The following RASGEF1B variants were observed in gnomAD, a reference collection of about 807,000 sequenced individuals.
RASGEF1B encodes ras-GEF domain-containing family member 1B.
Under a neutral mutation model 65.7 loss-of-function variants are expected in RASGEF1B, and 30 were observed. The ratio of observed to expected loss-of-function variants is 0.46; its 90% CI spans 0.34 to 0.62. RASGEF1B has a LOEUF of 0.62. Ranked by LOEUF, RASGEF1B falls within the 20% of genes least tolerant of loss-of-function variation. RASGEF1B has a pLI of 0.01. For missense variants in RASGEF1B, 495 were observed against 580.1 expected (o/e 0.85, Z 1.51); for synonymous variants, 175 against 194.8 (o/e 0.90, Z 0.85).
intron 1 of RASGEF1B, 91 bp from the exon 2 acceptor site, chr4:81,459,605 T>C (rs1329942189): frequency 1.0e-6 from 1 of 975,434 alleles, no homozygotes; most frequent in Non-Finnish European, 1.5e-6. Context: ...GATTTAATAG[T>C]AACGAGAGAA....
chr4:81,438,735 C>A (rs1025789565), intron 10 of RASGEF1B, among the ~76,000 whole-genome samples: 1 of 151,870 alleles, frequency 6.6e-6, no homozygotes, highest in African/African-American at 2.4e-5. Flanking sequence ...CCCCCAGCCC[C>A]CTACTGGCCC....
At chr4:81,435,404 C>A (rs1167695549) in intron 10 of RASGEF1B, among the ~76,000 whole-genome samples, 1 of 109,842 alleles carries the variant, frequency 9.1e-6, no homozygotes, top group African/African-American at 3.9e-5. Context: ...GGCGACAGAG[C>A]GAGACTCCCT....
intron 8 of RASGEF1B, 77 bp downstream of exon 8, chr4:81,445,449 C>G (rs964454926): frequency 4.8e-6 from 5 of 1,032,846 alleles, no homozygotes; most frequent in Non-Finnish European, 7.5e-6. Flanking sequence ...CAAAACCATA[C>G]TATTTGCACA....
chr4:81,432,193 G>T, intron 13 of RASGEF1B, 106 bp downstream of exon 13: 1 of 668,660 alleles, frequency 1.5e-6, no homozygotes, highest in South Asian at 2.0e-5. Flanking sequence ...AAGTGCAGAG[G>T]ACTTGGAACA....
intron 13 of RASGEF1B, among the ~76,000 whole-genome samples, chr4:81,429,712 C>T (rs768509905): frequency 7.9e-5 from 12 of 152,230 alleles, no homozygotes; most frequent in Non-Finnish European, 1.8e-4. Flanking sequence ...GGGGAGCACA[C>T]TGGTAGAAGG....
At position 81,465,210 on chromosome 4, in the gene RASGEF1B, G is replaced by T. The variant is rs182516524; in HGVS notation, c.-6-5696C>A. Among the ~76,000 whole-genome samples the T allele has an allele frequency of 1.5e-3, 221 of 152,160 alleles. 1 individual carries two copies. Among genetic ancestry groups the T allele is most frequent in the African/African-American group, 5.0e-3 (207 of 41,514 alleles). Reference sequence around the variant, plus strand: ...GGTTTGGGTACAGCTATTGAAATGGGCTTTCTCTTTTCTTTTCTGCAAAAA... The same window carrying T: ...GGTTTGGGTACAGCTATTGAAATGGTCTTTCTCTTTTCTTTTCTGCAAAAA... On this transcript the variant is annotated intron_variant, in intron 1 of 13. Transcript: ENST00000264400.
intron 13 of RASGEF1B, among the ~76,000 whole-genome samples, chr4:81,429,032 G>A (rs1249281983): frequency 6.6e-6 from 1 of 152,256 alleles, no homozygotes; most frequent in Non-Finnish European, 1.5e-5. Context: ...ACGAGTAATA[G>A]AGAGCAAGAC....
At chr4:81,442,253 A>G (rs760798655) in intron 9 of RASGEF1B, 44 bp downstream of exon 9, 2 of 1,244,854 alleles carry the variant, frequency 1.6e-6, no homozygotes, top group Non-Finnish European at 2.4e-6. Context: ...TCCACTTTCC[A>G]GGTGTAAAGT....
intron 1 of RASGEF1B, among the ~76,000 whole-genome samples, chr4:81,461,054 C>T (rs1324708249): frequency 1.3e-5 from 2 of 152,192 alleles, no homozygotes; most frequent in African/African-American, 4.8e-5. Context: ...GGCAAGACCT[C>T]ACATGTAGGA....
At chr4:81,447,404 C>T (rs1722064191) in intron 6 of RASGEF1B, 100 bp downstream of exon 6, 1 of 877,236 alleles carries the variant, frequency 1.1e-6, no homozygotes, top group Admixed American at 2.6e-5. Flanking sequence ...TTAAAATCTA[C>T]AACAGAATAT....
intron 8 of RASGEF1B, 60 bp downstream of exon 8, chr4:81,445,466 G>A: frequency 8.6e-7 from 1 of 1,163,114 alleles, no homozygotes; most frequent in Non-Finnish European, 1.3e-6. Context: ...CACATTTTCT[G>A]TGGGTCATTT....
chr4:81,446,564 C>A (rs1312405899), intron 6 of RASGEF1B, among the ~76,000 whole-genome samples: 1 of 152,176 alleles, frequency 6.6e-6, no homozygotes, highest in African/African-American at 2.4e-5. Flanking sequence ...AGAACATTTT[C>A]TCTTAAAATT....
At chr4:81,451,136 TCA>T (rs1256004183) in intron 4 of RASGEF1B, 2 of 152,320 alleles carry the variant, frequency 1.3e-5, no homozygotes, top group East Asian at 3.9e-4. Context: ...AGTTGAAGTT[TCA>T]CAGTCAGTAA....
At position 81,427,616 on chromosome 4, in the gene RASGEF1B, T is replaced by C; in HGVS notation, c.*152A>G. 1.5e-6 allele frequency: 1 copy of C among 667,454 alleles called. No individual in the cohort carries two copies. The highest frequency in any genetic ancestry group is 2.2e-5 in the South Asian group (1 of 46,450). The allele number at this position is 667,454 out of a possible 1,614,324, so 41.3% of individuals were successfully genotyped here. A position where few individuals can be genotyped will look rare whatever the true frequency, so the allele number is the denominator to read the frequency against. Reference sequence around the variant, plus strand: ...CAGGAAATAAGTTCTCCATCTGGTCTTGAGTGAGCTTGTGTGCTTTGCTGA... The same window carrying C: ...CAGGAAATAAGTTCTCCATCTGGTCCTGAGTGAGCTTGTGTGCTTTGCTGA... On this transcript the variant is annotated 3_prime_UTR_variant, in exon 14 of 14. Transcript: ENST00000264400.
At chr4:81,458,783 CTG>C (rs1722539117) in intron 2 of RASGEF1B, among the ~76,000 whole-genome samples, 1 of 152,178 alleles carries the variant, frequency 6.6e-6, no homozygotes, top group African/African-American at 2.4e-5. Flanking sequence ...ACTGTAAAGA[CTG>C]AGAAAATATA....
Position 81,457,347 on chromosome 4 carries a change from T to C in RASGEF1B, c.300+152A>G, listed in dbSNP as rs1009011756. 1.1e-5 allele frequency: 8 copies of C among 700,208 alleles called. No homozygotes were observed. In the African/African-American group the frequency reaches 1.4e-4, roughly 13 times the overall value. 43.4% of individuals were successfully genotyped at this position (700,208 alleles called of 1,614,324 possible). ...TTGATTTATCCTGTGTTCTTTATTCTTTATACCATTCACAATTCCCCTTGT... is the reference window on the plus strand; with the variant it reads ...TTGATTTATCCTGTGTTCTTTATTCCTTATACCATTCACAATTCCCCTTGT... On this transcript the variant is annotated intron_variant, in intron 3 of 13. Transcript: ENST00000264400.
chr4:81,445,458 C>A (rs1172732805), intron 8 of RASGEF1B, 68 bp downstream of exon 8: 3 of 1,121,810 alleles, frequency 2.7e-6, no homozygotes, highest in African/African-American at 3.0e-5. Flanking sequence ...ACTATTTGCA[C>A]ATTTTCTGTG....
chr4:81,462,770 C>T (rs1019909784), intron 1 of RASGEF1B, among the ~76,000 whole-genome samples: 1 of 152,174 alleles, frequency 6.6e-6, no homozygotes, highest in Non-Finnish European at 1.5e-5. Context: ...TCTGAATCCC[C>T]ATTCCAGGTC....
At chr4:81,460,183 A>G (rs755371518) in intron 1 of RASGEF1B, among the ~76,000 whole-genome samples, 1 of 152,214 alleles carries the variant, frequency 6.6e-6, no homozygotes, top group Non-Finnish European at 1.5e-5. Flanking sequence ...CTCAATAAAC[A>G]TGCAGGCTGA....
Sources: gnomAD v4.1 joint callset for allele counts (sites outside exome capture counted in the v4.1 genomes callset) on GRCh38, gnomAD v4.1.1 for gene constraint, MANE v1.5 for transcripts, NCBI Gene and HGNC (gene_info 2026-07-23, HGNC 2026-07-21) for gene names.